Variants in SLAMF9 observed in about 807,000 individuals in gnomAD.
SLAMF9 encodes SLAM family member 9.
In SLAMF9, 25 loss-of-function variants were observed where a neutral mutation model predicts 30.4. The ratio of observed to expected loss-of-function variants is 0.82; its 90% confidence interval spans 0.60 to 1.15. SLAMF9 has a LOEUF of 1.15. Ranked by LOEUF, SLAMF9 falls within the 50% of genes most tolerant of loss-of-function variation. The probability of loss-of-function intolerance (pLI) is 0.00; values close to 1 mark genes in which losing one functional copy is unlikely to be tolerated. For missense variants in SLAMF9, 344 were observed against 346.1 expected (o/e 0.99, Z 0.05); for synonymous variants, 129 against 127.2 (o/e 1.01, Z -0.09).
At chr1:159,964,745 T>C in the SLAMF9 span, among the ~76,000 whole-genome samples, 1 of 152,286 alleles carries the variant, frequency 6.6e-6, no homozygotes, top group Non-Finnish European at 1.5e-5. Context: ...TTAAACAAAT[T>C]TGAGAAGTAA....
upstream of SLAMF9, among the ~76,000 whole-genome samples, chr1:159,955,302 T>C (rs1378459598): frequency 6.6e-6 from 1 of 152,192 alleles, no homozygotes; most frequent in African/African-American, 2.4e-5. Context: ...CCTTAGAAAG[T>C]AGCTTCTGTC....
At chr1:159,967,012 T>G in the SLAMF9 span, among the ~76,000 whole-genome samples, 1 of 152,212 alleles carries the variant, frequency 6.6e-6, no homozygotes, top group African/African-American at 2.4e-5. Flanking sequence ...TTATTTTTGC[T>G]TTTGTTACCT....
At chr1:159,975,369 T>A in the SLAMF9 span, among the ~76,000 whole-genome samples, 1 of 151,986 alleles carries the variant, frequency 6.6e-6, no homozygotes, top group Non-Finnish European at 1.5e-5. Flanking sequence ...GCAAGATAAG[T>A]ATTCAGTATA....
chr1:159,954,947 C>T (rs904976550), upstream of SLAMF9, among the ~76,000 whole-genome samples: 4 of 151,896 alleles, frequency 2.6e-5, no homozygotes, highest in African/African-American at 7.3e-5. Flanking sequence ...GGCATGGTGG[C>T]GTGCCCCTGT....
the SLAMF9 span, chr1:159,978,509 A>C: frequency 6.6e-6 from 1 of 152,386 alleles, no homozygotes; most frequent in African/African-American, 2.4e-5. Flanking sequence ...GCAGCTAAGA[A>C]GGGAGACAGA....
the SLAMF9 span, among the ~76,000 whole-genome samples, chr1:159,975,502 TAAG>T: frequency 1.3e-5 from 2 of 151,998 alleles, no homozygotes; most frequent in African/African-American, 4.8e-5. Flanking sequence ...GAGGATGTGC[TAAG>T]AAGTAAGCCT....
At chr1:159,971,563 G>A in the SLAMF9 span, among the ~76,000 whole-genome samples, 4 of 152,132 alleles carry the variant, frequency 2.6e-5, no homozygotes, top group Admixed American at 2.6e-4. Context: ...TGGAGAAGGG[G>A]GGTTAAGGGT....
Position 159,954,168 on chromosome 1 carries a change from T to A in SLAMF9, c.-31A>T. Reference sequence around the variant, plus strand: ...CAGCCCCCAGCCCCAGAGGTGTGATTCAGTCAGTCAGTCCCCAGGACTGTG... The same window carrying A: ...CAGCCCCCAGCCCCAGAGGTGTGATACAGTCAGTCAGTCCCCAGGACTGTG... On this transcript the variant is annotated 5_prime_UTR_variant, in exon 1 of 4. An upstream open reading frame in the 5' UTR loses its in-frame stop. Coordinates refer to ENST00000368093, the MANE Select transcript of SLAMF9 (RefSeq NM_033438.4). The A allele has an allele frequency of 6.2e-7, 1 of 1,613,334 alleles. No individual in the cohort carries two copies. The highest frequency in any genetic ancestry group is 1.3e-5 in the African/African-American group (1 of 75,004).
At chr1:159,972,757 C>G in the SLAMF9 span, 3 of 442,414 alleles carry the variant, frequency 6.8e-6, no homozygotes, top group Non-Finnish European at 1.1e-5. Context: ...CCCCTCTGGG[C>G]CTCACAGAGG....
the SLAMF9 span, among the ~76,000 whole-genome samples, chr1:159,963,877 A>G: frequency 1.3e-5 from 2 of 152,084 alleles, no homozygotes; most frequent in South Asian, 2.1e-4. Flanking sequence ...TGGCCAACAT[A>G]GTCAAATCCC....
chr1:159,953,273 C>A, intron 2 of SLAMF9, 36 bp downstream of exon 2: 1 of 1,557,796 alleles, frequency 6.4e-7, no homozygotes, highest in Non-Finnish European at 8.8e-7. Flanking sequence ...AGAAGAGCCC[C>A]CAAAACCAGC....
chr1:159,976,917 A>T, the SLAMF9 span: 2 of 644 alleles, frequency 3.1e-3, no homozygotes, highest in African/African-American at 3.8e-3. Flanking sequence ...AGAAAAAAAG[A>T]AAGAAAGAAA....
Position 159,952,376 on chromosome 1 carries a change from C to T in SLAMF9, c.550G>A (p.Val184Ile). The T allele has an allele frequency of 6.2e-7, 1 of 1,614,074 alleles. No individual in the cohort carries two copies. The highest frequency in any genetic ancestry group is 1.1e-5 in the South Asian group (1 of 91,078). ...DSTYTFHEGP[V>I]LSTSWRPGDS... is the part of the protein sequence containing the mutation. ...CCCGGCCTCCAGGATGTGCTGAGGA[C>T]AGGGCCTTCATGGAATGTATAAGTG... Residue 184 changes from valine (V) to isoleucine (I), a missense_variant, in exon 3 of 4, where the codon GTC (valine) becomes ATC (isoleucine). By Grantham distance (29) the Val-to-Ile change is conservative. Transcript: ENST00000368093.
the SLAMF9 span, among the ~76,000 whole-genome samples, chr1:159,959,647 G>T: frequency 6.6e-6 from 1 of 152,088 alleles, no homozygotes; most frequent in Non-Finnish European, 1.5e-5. Flanking sequence ...AGCTCCCTAA[G>T]CCCTCCCCTT....
the SLAMF9 span, among the ~76,000 whole-genome samples, chr1:159,980,337 C>T: frequency 1.3e-4 from 20 of 152,094 alleles, no homozygotes; most frequent in African/African-American, 9.7e-5. Context: ...CCACATCCCC[C>T]GACGCCCTCC....
chr1:159,982,503 G>T, the SLAMF9 span, among the ~76,000 whole-genome samples: 144 of 152,180 alleles, frequency 9.5e-4, no homozygotes, highest in Non-Finnish European at 1.8e-3. Context: ...CTCGATAGAG[G>T]TTTCCTGGAC....
rs1651872249 is a variant in SLAMF9 at position 159,954,149 on chromosome 1, C to G, written c.-12G>C. The G allele has an allele frequency of 6.2e-7, 1 of 1,613,938 alleles. No homozygotes were observed. Among genetic ancestry groups the G allele is most frequent in the Non-Finnish European group, 8.5e-7 (1 of 1,179,986 alleles). On this transcript the variant is annotated 5_prime_UTR_variant, in exon 1 of 4. Transcript: ENST00000368093. ...GGAAAGGCACACATGTCAGCAGCCC[C>G]CAGCCCCAGAGGTGTGATTCAGTCA...
At chr1:159,966,911 G>C in the SLAMF9 span, among the ~76,000 whole-genome samples, 2 of 151,976 alleles carry the variant, frequency 1.3e-5, no homozygotes, top group Non-Finnish European at 2.9e-5. Context: ...CATTCTGTGG[G>C]TCTGTTCACT....
chr1:159,965,305 G>A, the SLAMF9 span, among the ~76,000 whole-genome samples: 4 of 152,266 alleles, frequency 2.6e-5, no homozygotes, highest in South Asian at 4.1e-4. Flanking sequence ...CAAGGGATGG[G>A]GGCAAGAAGC....
Sources: gnomAD v4.1 joint callset for allele counts (sites outside exome capture counted in the v4.1 genomes callset) on GRCh38, gnomAD v4.1.1 for gene constraint, MANE v1.5 for transcripts, NCBI Gene and HGNC (gene_info 2026-07-23, HGNC 2026-07-21) for gene names.